MPDZ: variants seen among roughly 807,000 people sequenced by gnomAD.
MPDZ encodes multiple PDZ domain protein.
In MPDZ, 234 loss-of-function variants were observed where a neutral mutation model predicts 239.1. The observed-to-expected ratio is 0.98, with a 90% CI of 0.88 to 1.09. The LOEUF (loss-of-function observed/expected upper bound fraction) is 1.09. MPDZ is among the 50% of genes least tolerant of loss of function. The pLI, the probability that MPDZ is intolerant of heterozygous loss-of-function variation, is 0.00. For missense variants in MPDZ, 3,175 were observed against 2,510.0 expected (o/e 1.26, Z -5.66); for synonymous variants, 1,048 against 881.3 (o/e 1.19, Z -3.35).
chr9:13,224,264 T>A (rs1432300924), intron 4 of MPDZ, 110 bp downstream of exon 4: 2 of 1,048,348 alleles, frequency 1.9e-6, no homozygotes, highest in East Asian at 4.9e-5. Context: ...TTTGTTCCAA[T>A]GTTTTCAGAT....
At chr9:13,107,944 T>C (rs994157765) in intron 46 of MPDZ, among the ~76,000 whole-genome samples, 1 of 152,208 alleles carries the variant, frequency 6.6e-6, no homozygotes, top group African/African-American at 2.4e-5. Context: ...GACTCTTCTA[T>C]TCACTAGCAA....
At chr9:13,116,152 C>T (rs1175741521) in intron 39 of MPDZ, among the ~76,000 whole-genome samples, 2 of 152,038 alleles carry the variant, frequency 1.3e-5, no homozygotes, top group Non-Finnish European at 2.9e-5. Flanking sequence ...GACAATCTTT[C>T]TTGCACCCCT....
At chr9:13,234,610 A>G (rs1963450334) in intron 3 of MPDZ, among the ~76,000 whole-genome samples, 2 of 152,176 alleles carry the variant, frequency 1.3e-5, no homozygotes, top group South Asian at 4.1e-4. Context: ...AAGCTAAAAT[A>G]TATGTTATCT....
rs1954086666 is a variant in MPDZ at position 13,186,287 on chromosome 9, T to G, written c.2464A>C (p.Arg822=). Residue 822 remains arginine (R), a synonymous_variant, in exon 18 of 47, where the codon AGG becomes CGG. Transcript: ENST00000319217. The stretch of plus-strand genomic sequence containing the variant: ...CCACTAACCAGAGCCAAGTCAGCCC[T>G]GAAGAGGGGTTTGTCAGCCAGCCCT... ...EAGLADKPLF[R]ADLALVGTND... The G allele has an allele frequency of 6.3e-7, 1 of 1,589,178 alleles. No homozygotes were observed. The highest frequency in any genetic ancestry group is 8.6e-7 in the Non-Finnish European group (1 of 1,166,914).
intron 39 of MPDZ, among the ~76,000 whole-genome samples, 178 bp from the exon 40 acceptor site, chr9:13,115,512 C>T (rs974484986): frequency 1.3e-5 from 2 of 152,092 alleles, no homozygotes; most frequent in Non-Finnish European, 2.9e-5. Context: ...AACATTCAAA[C>T]TAATAAAAAT....
chr9:13,248,754 G>C (rs1271537744), intron 2 of MPDZ, among the ~76,000 whole-genome samples: 1 of 151,270 alleles, frequency 6.6e-6, no homozygotes, highest in African/African-American at 2.4e-5. Context: ...GATTACTTGA[G>C]CTCAGGAGTT....
At chr9:13,218,640 G>A (rs947300115) in intron 8 of MPDZ, among the ~76,000 whole-genome samples, 2 of 151,864 alleles carry the variant, frequency 1.3e-5, no homozygotes, top group African/African-American at 2.4e-5. Context: ...GCTTGTGGAG[G>A]AGGTTAGGAT....
At chr9:13,228,045 T>G (rs1030858786) in intron 3 of MPDZ, among the ~76,000 whole-genome samples, 2 of 152,136 alleles carry the variant, frequency 1.3e-5, no homozygotes, top group Non-Finnish European at 2.9e-5. Context: ...ATAGCAGTCA[T>G]GCCACAAATG....
chr9:13,231,652 TAG>T (rs997759461), intron 3 of MPDZ, among the ~76,000 whole-genome samples: 5 of 151,890 alleles, frequency 3.3e-5, no homozygotes, highest in Admixed American at 3.3e-4. Context: ...AGAACAGGTT[TAG>T]AGAGTTTCAC....
At chr9:13,160,635 C>T (rs932726331) in intron 23 of MPDZ, among the ~76,000 whole-genome samples, 1 of 151,342 alleles carries the variant, frequency 6.6e-6, no homozygotes, top group Non-Finnish European at 1.5e-5. Context: ...GCCATTAACC[C>T]TACAATGGAA....
rs200475640 is a variant in MPDZ, at chr9:13,188,954, A to T, written c.2194T>A (p.Ser732Thr). The part of the protein sequence containing the change: ...DPASTVIIIR[S>T]LVPGGIAEKD... ...TCAGCAATGCCGCCAGGCACCAAAG[A>T]ACGAATTATAATCACAGTGCTTGCT... The change falls in exon 17 of 47, where the codon TCT becomes ACT. Residue 732 changes from serine (S) to threonine (T), a missense_variant. By Grantham distance (58) the Ser-to-Thr change is moderately conservative. Coordinates refer to ENST00000319217, the MANE Select transcript of MPDZ (RefSeq NM_001378778.1). 2,740 of 1,613,356 alleles carry T rather than the reference A, an allele frequency of 1.7e-3. 3 individuals are homozygous for T. Among genetic ancestry groups the T allele is most frequent in the Non-Finnish European group, 2.1e-3 (2,454 of 1,179,500 alleles).
At chr9:13,212,434 A>C (rs183935251) in intron 10 of MPDZ, among the ~76,000 whole-genome samples, 1 of 152,194 alleles carries the variant, frequency 6.6e-6, no homozygotes, top group Admixed American at 6.6e-5. Context: ...TAAAAGAGTA[A>C]AGAAGTGAGT....
At chr9:13,168,208 C>G (rs950260325) in intron 22 of MPDZ, among the ~76,000 whole-genome samples, 158 bp downstream of exon 22, 5 of 152,096 alleles carry the variant, frequency 3.3e-5, no homozygotes, top group African/African-American at 7.2e-5. Flanking sequence ...AACTTACAAT[C>G]GAGAACTACT....
chr9:13,190,732 C>T (rs1954799511), intron 15 of MPDZ, among the ~76,000 whole-genome samples: 1 of 152,074 alleles, frequency 6.6e-6, no homozygotes, highest in South Asian at 2.1e-4. Context: ...AATAAGAGTT[C>T]TAAAATGCTG....
intron 22 of MPDZ, among the ~76,000 whole-genome samples, chr9:13,163,958 T>G (rs1950758567): frequency 2.0e-5 from 3 of 152,210 alleles, no homozygotes. Flanking sequence ...GACACAGTTC[T>G]GCTACCACGC....
rs540987498 is a variant in MPDZ at position 13,119,867 on chromosome 9, A to T, written c.5232-218T>A. 10 of 559,180 alleles carry T rather than the reference A, an allele frequency of 1.8e-5. No homozygotes were observed. The South Asian group carries it at 2.0e-4, about 11-fold the overall frequency. 34.6% of individuals were successfully genotyped at this position (559,180 alleles called of 1,614,324 possible). On this transcript the variant is annotated intron_variant, in intron 38 of 46. Transcript: ENST00000319217. ...TTCATAGATTAAAATGATCTCCAAT[A>T]AGCATATTTATTCTTCATCATTTAT...
At chr9:13,119,881 TTCA>T in intron 38 of MPDZ, 1 of 530,308 alleles carries the variant, frequency 1.9e-6, no homozygotes, top group South Asian at 2.1e-5. Flanking sequence ...ATATTTATTC[TTCA>T]TCATTTATAT....
At chr9:13,221,835 T>C (rs563262251) in intron 6 of MPDZ, among the ~76,000 whole-genome samples, 8 of 152,104 alleles carry the variant, frequency 5.3e-5, no homozygotes, top group African/African-American at 1.7e-4. Context: ...GTTAAGAATG[T>C]CTTCTGCATA....
chr9:13,274,750 A>ACAGACAGTTTT (rs1418989424), intron 1 of MPDZ: 27 of 152,138 alleles, frequency 1.8e-4, no homozygotes, highest in Non-Finnish European at 1.3e-4. Flanking sequence ...CACGTATAAG[A>ACAGACAGTTTT]CAGACAGTTT....
Sources: allele counts gnomAD v4.1 joint callset (sites outside exome capture counted in the v4.1 genomes callset), GRCh38; gene constraint gnomAD v4.1.1; transcripts MANE v1.5; gene names NCBI Gene and HGNC (gene_info 2026-07-23, HGNC 2026-07-21).